Variants in PRRX1 observed in about 807,000 individuals in gnomAD.
The protein encoded by PRRX1 is paired mesoderm homeobox protein 1.
Under a neutral mutation model 24.0 loss-of-function variants are expected in PRRX1, and 8 were observed. That is an observed-to-expected ratio of 0.33 (90% CI 0.20 to 0.60). PRRX1 has a LOEUF of 0.60. Among genes scored for constraint, PRRX1 ranks in the 20% least tolerant of loss-of-function variants. The pLI, the probability that PRRX1 is intolerant of heterozygous loss-of-function variation, is 0.82. For synonymous variants in PRRX1, 160 were observed against 131.7 expected (o/e 1.22, Z -1.47); for missense variants, 281 against 322.4 (o/e 0.87, Z 0.98).
At chr1:170,681,111 T>C (rs1003519992) in intron 1 of PRRX1, among the ~76,000 whole-genome samples, 3 of 152,204 alleles carry the variant, frequency 2.0e-5, no homozygotes, top group African/African-American at 4.8e-5. Flanking sequence ...TTAAGGTGTA[T>C]TGAGTACCAT....
chr1:170,723,256 A>G (rs1655146788), intron 2 of PRRX1, among the ~76,000 whole-genome samples: 1 of 152,230 alleles, frequency 6.6e-6, no homozygotes, highest in African/African-American at 2.4e-5. Flanking sequence ...GCACAGCTCT[A>G]CAGGGCACTG....
At chr1:170,674,419 T>C (rs1030564586) in intron 1 of PRRX1, among the ~76,000 whole-genome samples, 26 of 152,330 alleles carry the variant, frequency 1.7e-4, no homozygotes, top group African/African-American at 6.3e-4. Flanking sequence ...AATCTTCCCA[T>C]GCTTTCTTCC....
chr1:170,697,505 T>C (rs1654209150), intron 1 of PRRX1, among the ~76,000 whole-genome samples: 1 of 151,890 alleles, frequency 6.6e-6, no homozygotes, highest in Non-Finnish European at 1.5e-5. Flanking sequence ...AAAGTCTTCA[T>C]TATTGCATCA....
intron 1 of PRRX1, among the ~76,000 whole-genome samples, chr1:170,681,719 C>G (rs1335733965): frequency 6.6e-6 from 1 of 152,126 alleles, no homozygotes; most frequent in African/African-American, 2.4e-5. Flanking sequence ...CCCTTATGAG[C>G]TCTAATCACA....
chr1:170,733,492 T>C (rs1239099123), intron 3 of PRRX1, among the ~76,000 whole-genome samples: 1 of 152,154 alleles, frequency 6.6e-6, no homozygotes, highest in Non-Finnish European at 1.5e-5. Flanking sequence ...ATCTACAATT[T>C]GGGATGAGAA....
intron 1 of PRRX1, among the ~76,000 whole-genome samples, chr1:170,713,546 C>T (rs1654811854): frequency 6.6e-6 from 1 of 152,132 alleles, no homozygotes; most frequent in African/African-American, 2.4e-5. Flanking sequence ...GAGTACCTCA[C>T]ATTCTTGAGT....
chr1:170,683,333 C>G (rs912187544), intron 1 of PRRX1, among the ~76,000 whole-genome samples: 16 of 152,154 alleles, frequency 1.1e-4, no homozygotes, highest in South Asian at 8.3e-4. Context: ...GTGACTCCTA[C>G]AGGGGCTCAG....
intron 1 of PRRX1, among the ~76,000 whole-genome samples, chr1:170,676,240 T>C (rs1653314957): frequency 6.6e-6 from 1 of 152,220 alleles, no homozygotes; most frequent in Admixed American, 6.5e-5. Context: ...TACAGTCTGT[T>C]CTTAGCTTTC....
At chr1:170,730,515 T>G (rs929428360) in intron 3 of PRRX1, 1 of 616,724 alleles carries the variant, frequency 1.6e-6, no homozygotes, top group African/African-American at 1.8e-5. Flanking sequence ...GTCCACTAAA[T>G]GAAGCATAGT....
chr1:170,664,177 C>T lies in PRRX1; in HGVS notation c.-42C>T. 6.3e-7 allele frequency: 1 copy of T among 1,584,284 alleles called. No homozygotes were observed. On this transcript the variant is annotated 5_prime_UTR_variant, in exon 1 of 4. Transcript: ENST00000239461. ...GCGCCCACAGCGTTTGGTGTTGATT[C>T]GAGCGGGAAGAGGGGGGTGGGTGGG...
At chr1:170,705,572 C>A (rs1654530018) in intron 1 of PRRX1, among the ~76,000 whole-genome samples, 1 of 152,096 alleles carries the variant, frequency 6.6e-6, no homozygotes, top group Non-Finnish European at 1.5e-5. Context: ...TGTAAGCCAC[C>A]TCTCCTGGCC....
At chr1:170,684,934 A>C (rs1044380297) in intron 1 of PRRX1, among the ~76,000 whole-genome samples, 6 of 152,344 alleles carry the variant, frequency 3.9e-5, no homozygotes, top group Admixed American at 3.9e-4. Flanking sequence ...ATAAACCTAG[A>C]GTTATGCCAT....
At chr1:170,684,916 T>A (rs972851732) in intron 1 of PRRX1, among the ~76,000 whole-genome samples, 2 of 152,256 alleles carry the variant, frequency 1.3e-5, no homozygotes, top group African/African-American at 4.8e-5. Context: ...GGATAAGTTA[T>A]AATCAGTATA....
At chr1:170,726,055 G>T (rs973322862) in intron 2 of PRRX1, among the ~76,000 whole-genome samples, 165 bp from the exon 3 acceptor site, 3 of 152,096 alleles carry the variant, frequency 2.0e-5, no homozygotes, top group Non-Finnish European at 2.9e-5. Context: ...GAGGGAAGGC[G>T]GATGGCATGT....
intron 1 of PRRX1, among the ~76,000 whole-genome samples, chr1:170,713,954 G>A (rs1209104767): frequency 1.3e-5 from 2 of 152,150 alleles, no homozygotes; most frequent in African/African-American, 4.8e-5. Context: ...CTTGATACGT[G>A]CTGGGAGTCA....
intron 1 of PRRX1, among the ~76,000 whole-genome samples, chr1:170,715,773 C>T (rs561821660): frequency 1.4e-4 from 22 of 152,190 alleles, no homozygotes; most frequent in Non-Finnish European, 2.6e-4. Flanking sequence ...TTTTTAATGG[C>T]TATTCTGGTA....
intron 1 of PRRX1, among the ~76,000 whole-genome samples, chr1:170,710,211 A>ACCATCACCACCAACC (rs758054548): frequency 2.6e-5 from 4 of 152,144 alleles, no homozygotes; most frequent in Non-Finnish European, 4.4e-5. Context: ...CACCACCAAC[A>ACCATCACCACCAACC]CCATCACCAC....
At chr1:170,706,180 A>G (rs1275931339) in intron 1 of PRRX1, among the ~76,000 whole-genome samples, 1 of 152,230 alleles carries the variant, frequency 6.6e-6, no homozygotes, top group Non-Finnish European at 1.5e-5. Flanking sequence ...AAATATCATT[A>G]CTAGTGTTAT....
At chr1:170,719,053 G>T (rs1654998926) in intron 1 of PRRX1, among the ~76,000 whole-genome samples, 1 of 152,188 alleles carries the variant, frequency 6.6e-6, no homozygotes, top group Admixed American at 6.5e-5. Flanking sequence ...TTCTCAGGGA[G>T]TGAGCCCCAG....
Sources: allele counts gnomAD v4.1 joint callset (sites outside exome capture counted in the v4.1 genomes callset), GRCh38; gene constraint gnomAD v4.1.1; transcripts MANE v1.5; gene names NCBI Gene and HGNC (gene_info 2026-07-23, HGNC 2026-07-21).